The following KCNMB2 variants were observed in gnomAD, a reference collection of about 807,000 sequenced individuals.
KCNMB2 encodes potassium calcium-activated channel subfamily M regulatory beta subunit 2, also known as calcium-activated potassium channel subunit beta-2.
A neutral mutation model predicts 24.5 loss-of-function variants in KCNMB2; 9 were observed. The observed-to-expected ratio is 0.37, with a 90% CI of 0.22 to 0.64. KCNMB2 has a LOEUF of 0.64. Among genes scored for constraint, KCNMB2 ranks in the 30% least tolerant of loss-of-function variants. KCNMB2 has a pLI of 0.63. For missense variants in KCNMB2, 226 were observed against 284.3 expected (o/e 0.79, Z 1.47); for synonymous variants, 109 against 104.4 (o/e 1.04, Z -0.27).
At position 178,812,439 on chromosome 3, in the gene KCNMB2, C is replaced by T. The variant is rs142276774; in HGVS notation, c.56+4974C>T. On this transcript the variant is annotated intron_variant, in intron 2 of 4. Coordinates refer to ENST00000452583, the MANE Select transcript of KCNMB2 (RefSeq NM_181361.3). ...TGTGTGATGTTCCCCTTCCTGTGTC[C>T]ATGTGTTCTCATTGTTCAATTCCCA... Among the ~76,000 whole-genome samples, 7 of 143,964 alleles carry T rather than the reference C, an allele frequency of 4.9e-5. No homozygotes were observed. In the East Asian group the frequency reaches 1.5e-3, roughly 31 times the overall value. 94.4% of individuals were successfully genotyped at this position (143,964 alleles called of 152,430 possible).
chr3:178,788,129 A>G (rs1161521813), intron 1 of KCNMB2, among the ~76,000 whole-genome samples: 1 of 152,156 alleles, frequency 6.6e-6, no homozygotes, highest in Non-Finnish European at 1.5e-5. Flanking sequence ...CCATGGAGGA[A>G]AGGGTGGTTT....
intron 1 of KCNMB2, among the ~76,000 whole-genome samples, chr3:178,714,612 A>G (rs1396012813): frequency 6.6e-6 from 1 of 152,232 alleles, no homozygotes; most frequent in Non-Finnish European, 1.5e-5. Flanking sequence ...GAAGTGAATG[A>G]GCCCAGTTTG....
intron 1 of KCNMB2, among the ~76,000 whole-genome samples, chr3:178,737,907 C>T (rs1044805716): frequency 6.6e-6 from 1 of 152,028 alleles, no homozygotes; most frequent in African/African-American, 2.4e-5. Context: ...TGTGAGATAT[C>T]GGCATTTGCT....
chr3:178,704,137 G>A (rs776859494), intron 1 of KCNMB2, among the ~76,000 whole-genome samples: 22 of 152,132 alleles, frequency 1.4e-4, no homozygotes, highest in Middle Eastern at 3.4e-3. Context: ...CCATCTTCCA[G>A]GGAAAACAAC....
intron 1 of KCNMB2, among the ~76,000 whole-genome samples, chr3:178,725,394 C>T (rs186026907): frequency 5.3e-5 from 8 of 152,012 alleles, no homozygotes; most frequent in African/African-American, 1.7e-4. Flanking sequence ...GCCCTCCCCC[C>T]ACCAAAAAAC....
intron 1 of KCNMB2, among the ~76,000 whole-genome samples, chr3:178,693,503 T>C (rs919820197): frequency 6.6e-6 from 1 of 152,194 alleles, no homozygotes; most frequent in Admixed American, 6.5e-5. Context: ...TATATTGAGA[T>C]AATTATGTGG....
At chr3:178,664,925 T>C (rs975707477) in intron 1 of KCNMB2, among the ~76,000 whole-genome samples, 1 of 152,134 alleles carries the variant, frequency 6.6e-6, no homozygotes, top group African/African-American at 2.4e-5. Flanking sequence ...AAGGAAATAA[T>C]TTTAATAAAA....
chr3:178,772,996 CT>C (rs1414688781), intron 1 of KCNMB2, among the ~76,000 whole-genome samples: 2 of 152,032 alleles, frequency 1.3e-5, no homozygotes, highest in Non-Finnish European at 2.9e-5. Context: ...TGAGTTTTTC[CT>C]GTTGACAGTT....
rs1406594723 is a variant in KCNMB2 at position 178,757,798 on chromosome 3, T to C, written c.-67-49545T>C. ...AGAGGATATATATACATATATCTTA[T>C]ATCCATCCAAGAGGATATATATATA... On this transcript the variant is annotated intron_variant, in intron 1 of 4. Coordinates refer to ENST00000452583, the MANE Select transcript of KCNMB2 (RefSeq NM_181361.3). 3.5e-4 allele frequency among the ~76,000 whole-genome samples: 30 copies of C among 85,078 alleles called. 3 individuals are homozygous for C. The highest frequency in any genetic ancestry group is 3.5e-3 in the South Asian group (9 of 2,574). The allele number at this position is 85,078 out of a possible 152,430, so 55.8% of individuals were successfully genotyped here. A position where few individuals can be genotyped will look rare whatever the true frequency, so the allele number is the denominator to read the frequency against.
At chr3:178,719,973 T>A (rs1722742524) in intron 1 of KCNMB2, among the ~76,000 whole-genome samples, 1 of 152,130 alleles carries the variant, frequency 6.6e-6, no homozygotes, top group Non-Finnish European at 1.5e-5. Context: ...ATAATCTTTT[T>A]TTTCAGTGTT....
Position 178,660,823 on chromosome 3 carries a change from C to T in KCNMB2, c.-68+124112C>T, listed in dbSNP as rs114474975. The stretch of plus-strand genomic sequence containing the variant: ...ATTGCTTCATATACACAGGGCCTGA[C>T]ACTGACAGTTATTCCCAGCATTTTC... On this transcript the variant is annotated intron_variant, in intron 1 of 4. Coordinates refer to ENST00000452583, the MANE Select transcript of KCNMB2 (RefSeq NM_181361.3). Among the ~76,000 whole-genome samples the T allele has an allele frequency of 5.2e-3, 794 of 152,164 alleles. 5 individuals are homozygous for T. The highest frequency in any genetic ancestry group is 0.018 in the African/African-American group (752 of 41,522).
At chr3:178,609,280 T>C (rs947779051) in intron 1 of KCNMB2, among the ~76,000 whole-genome samples, 11 of 152,214 alleles carry the variant, frequency 7.2e-5, no homozygotes, top group African/African-American at 2.4e-4. Flanking sequence ...CCCTTTTTTA[T>C]GACTTCTTTT....
chr3:178,790,172 A>G (rs1270054506), intron 1 of KCNMB2, among the ~76,000 whole-genome samples: 3 of 152,004 alleles, frequency 2.0e-5, no homozygotes, highest in African/African-American at 7.2e-5. Context: ...AAGGGAACCT[A>G]CTGCCTTGAA....
intron 1 of KCNMB2, among the ~76,000 whole-genome samples, chr3:178,659,027 C>T (rs1235673143): frequency 6.6e-6 from 1 of 152,208 alleles, no homozygotes; most frequent in Admixed American, 6.5e-5. Flanking sequence ...GTAAAGTGAA[C>T]GGGCTCTCAG....
intron 1 of KCNMB2, among the ~76,000 whole-genome samples, chr3:178,553,056 T>C (rs1716010211): frequency 6.6e-6 from 1 of 152,220 alleles, no homozygotes; most frequent in East Asian, 1.9e-4. Flanking sequence ...GTCAACATGC[T>C]TCCTCTGCAG....
chr3:178,719,763 G>A (rs1017192990), intron 1 of KCNMB2, among the ~76,000 whole-genome samples: 17 of 151,540 alleles, frequency 1.1e-4, no homozygotes, highest in African/African-American at 4.1e-4. Flanking sequence ...TCTTTTTTTG[G>A]TGTTTGATTC....
At chr3:178,652,943 G>A (rs780576913) in intron 1 of KCNMB2, among the ~76,000 whole-genome samples, 12 of 152,020 alleles carry the variant, frequency 7.9e-5, no homozygotes, top group Non-Finnish European at 1.3e-4. Context: ...GATTACAGGC[G>A]TGAGCCACTG....
At chr3:178,637,412 C>T (rs1719567858) in intron 1 of KCNMB2, among the ~76,000 whole-genome samples, 1 of 152,082 alleles carries the variant, frequency 6.6e-6, no homozygotes, top group Admixed American at 6.5e-5. Flanking sequence ...GTTAGGAGTT[C>T]CTGTGACACA....
At chr3:178,661,712 C>A (rs12637801) in intron 1 of KCNMB2, among the ~76,000 whole-genome samples, 21,012 of 152,124 alleles carry the variant, frequency 0.14, 1,772 homozygotes, top group Admixed American at 0.22. Context: ...TGGAAGCTTG[C>A]CGGAAATGCA....
Sources: allele counts gnomAD v4.1 joint callset (sites outside exome capture counted in the v4.1 genomes callset), GRCh38; gene constraint gnomAD v4.1.1; transcripts MANE v1.5; gene names NCBI Gene and HGNC (gene_info 2026-07-23, HGNC 2026-07-21).